The following TMEM132D variants were observed in gnomAD, a reference collection of about 807,000 sequenced individuals.
The protein encoded by TMEM132D is transmembrane protein 132D, also known as mature OL transmembrane protein.
TMEM132D carries 21 observed loss-of-function variants against 62.3 expected under a neutral mutation model. The ratio of observed to expected loss-of-function variants is 0.34; its 90% CI spans 0.24 to 0.49. The LOEUF (loss-of-function observed/expected upper bound fraction) is 0.49. Ranked by LOEUF, TMEM132D falls within the 20% of genes least tolerant of loss-of-function variation. The pLI, the probability that TMEM132D is intolerant of heterozygous loss-of-function variation, is 0.99. For synonymous variants in TMEM132D, 621 were observed against 575.6 expected (o/e 1.08, Z -1.13); for missense variants, 1,346 against 1,402.8 (o/e 0.96, Z 0.65).
At chr12:129,084,828 G>A (rs1874563671) in intron 5 of TMEM132D, 126 bp from the exon 6 acceptor site, 1 of 797,616 alleles carries the variant, frequency 1.3e-6, no homozygotes, top group Non-Finnish European at 2.0e-6. Context: ...CCTTACTATG[G>A]GGGAGGAGGT....
At chr12:129,394,586 G>A (rs1020352116) in intron 3 of TMEM132D, among the ~76,000 whole-genome samples, 19 of 152,208 alleles carry the variant, frequency 1.2e-4, no homozygotes, top group African/African-American at 4.6e-4. Flanking sequence ...GGGAGACAGA[G>A]GGACACCCGT....
chr12:129,286,566 C>T (rs6486444), intron 4 of TMEM132D, among the ~76,000 whole-genome samples: 144,447 of 152,272 alleles, frequency 0.95, 68,958 homozygotes, highest in East Asian at 1. Context: ...TGTTTCCCTC[C>T]TCCTGGGCAC....
intron 2 of TMEM132D, among the ~76,000 whole-genome samples, chr12:129,572,682 C>T (rs1206472073): frequency 6.6e-6 from 1 of 152,112 alleles, no homozygotes; most frequent in Non-Finnish European, 1.5e-5. Flanking sequence ...CTCCTGACCT[C>T]AGATGATCTG....
chr12:129,376,756 A>T (rs1319650152), intron 3 of TMEM132D, among the ~76,000 whole-genome samples: 2 of 152,208 alleles, frequency 1.3e-5, no homozygotes, highest in Non-Finnish European at 2.9e-5. Flanking sequence ...TAGGCTTCAT[A>T]AGTGACCTTA....
At chr12:129,562,822 A>G (rs971046871) in intron 2 of TMEM132D, among the ~76,000 whole-genome samples, 8 of 152,062 alleles carry the variant, frequency 5.3e-5, no homozygotes, top group Admixed American at 2.0e-4. Flanking sequence ...ACCTGGAGAA[A>G]CCCCGTGCTT....
chr12:129,385,300 T>C (rs1022548130), intron 3 of TMEM132D, among the ~76,000 whole-genome samples: 4 of 151,820 alleles, frequency 2.6e-5, no homozygotes, highest in African/African-American at 9.7e-5. Flanking sequence ...GAGGTGGGGT[T>C]TTGTCATATT....
chr12:129,622,607 T>C (rs1430167706), intron 2 of TMEM132D, among the ~76,000 whole-genome samples: 1 of 152,214 alleles, frequency 6.6e-6, no homozygotes, highest in Non-Finnish European at 1.5e-5. Flanking sequence ...GCTTTCCCTC[T>C]GCTCTGAACT....
chr12:129,711,464 G>A (rs1203561661), intron 1 of TMEM132D, among the ~76,000 whole-genome samples: 2 of 152,264 alleles, frequency 1.3e-5, no homozygotes, highest in Admixed American at 6.5e-5. Flanking sequence ...AGTGGCTCAC[G>A]CCTGTAATCC....
chr12:129,761,334 A>C (rs1185650257), intron 1 of TMEM132D, among the ~76,000 whole-genome samples: 4 of 147,858 alleles, frequency 2.7e-5, no homozygotes, highest in Admixed American at 2.0e-4. Flanking sequence ...CGGGTGCAGC[A>C]CCACGATGGA....
intron 1 of TMEM132D, among the ~76,000 whole-genome samples, chr12:129,876,346 A>C (rs917725988): frequency 1.3e-5 from 2 of 152,232 alleles, no homozygotes; most frequent in African/African-American, 4.8e-5. Flanking sequence ...AGAAAGAACA[A>C]GCAAACCATT....
chr12:129,656,276 A>AAAG (rs1880072532), intron 2 of TMEM132D, among the ~76,000 whole-genome samples: 4 of 151,366 alleles, frequency 2.6e-5, no homozygotes, highest in African/African-American at 9.7e-5. Context: ...AAAAGGAAAG[A>AAAG]ATGAAAGGGA....
rs367939457 is a variant in TMEM132D, at chr12:129,082,026, G to A, written c.1656C>T (p.Ala552=). 68 of 1,602,070 alleles carry A rather than the reference G, an allele frequency of 4.2e-5. No individual in the cohort carries two copies. Among genetic ancestry groups the A allele is most frequent in the East Asian group, 9.0e-5 (4 of 44,586 alleles). Residue 552 remains alanine, a synonymous_variant, in exon 7 of 9, where the codon GCC becomes GCT. Coordinates refer to ENST00000422113, the MANE Select transcript of TMEM132D (RefSeq NM_133448.3). ...CATCCTCCTCCTCTTCACTGTCCCC[G>A]GCAGGCCTGTGAAAGAAGCAGTGCA... ...RVPIVSSRRP[A]GDSEEEEDDE...
intron 3 of TMEM132D, among the ~76,000 whole-genome samples, chr12:129,515,854 A>AT (rs1204388045): frequency 6.6e-6 from 1 of 152,102 alleles, no homozygotes; most frequent in Non-Finnish European, 1.5e-5. Flanking sequence ...GGGTCTTTGG[A>AT]TTTTTATTTC....
chr12:129,797,061 A>G (rs764913449), intron 1 of TMEM132D, among the ~76,000 whole-genome samples: 5 of 152,120 alleles, frequency 3.3e-5, no homozygotes, highest in Non-Finnish European at 7.4e-5. Context: ...TCTCAACGCT[A>G]TGCTCTTCAT....
At chr12:129,665,935 C>T (rs640793) in intron 2 of TMEM132D, among the ~76,000 whole-genome samples, 115,671 of 152,044 alleles carry the variant, frequency 0.76, 44,378 homozygotes, top group East Asian at 0.85. Flanking sequence ...TTGGGAAGCC[C>T]TGAGGGACCT....
chr12:129,334,287 G>T (rs141246797), intron 4 of TMEM132D, among the ~76,000 whole-genome samples: 10 of 148,476 alleles, frequency 6.7e-5, no homozygotes, highest in African/African-American at 2.6e-4. Context: ...AACACGGAAT[G>T]TTAAAATTTA....
chr12:129,136,233 A>G (rs886676340), intron 5 of TMEM132D, among the ~76,000 whole-genome samples: 1 of 152,214 alleles, frequency 6.6e-6, no homozygotes, highest in African/African-American at 2.4e-5. Context: ...CTCCACCCAA[A>G]TTGATTGAAT....
rs79892308 is a variant in TMEM132D, at chr12:129,741,926, A to G, written c.80-41228T>C. Among the ~76,000 whole-genome samples the G allele has an allele frequency of 2.6e-5, 4 of 152,330 alleles. No individual in the cohort carries two copies. The East Asian group carries it at 7.7e-4, about 29-fold the overall frequency. On this transcript the variant is annotated intron_variant, in intron 1 of 8. Transcript: ENST00000422113. ...GGCAAATAATCACTGCTGACCTGAG[A>G]GACTTTTTAGGGAAAGCTGAATCTA...
chr12:129,214,598 C>A (rs943474433), intron 4 of TMEM132D, among the ~76,000 whole-genome samples: 6 of 151,918 alleles, frequency 3.9e-5, no homozygotes, highest in Non-Finnish European at 8.8e-5. Flanking sequence ...CATTTCTGGC[C>A]CAGAAGATAT....
Sources: gnomAD v4.1 joint callset for allele counts (sites outside exome capture counted in the v4.1 genomes callset) on GRCh38, gnomAD v4.1.1 for gene constraint, MANE v1.5 for transcripts, NCBI Gene and HGNC (gene_info 2026-07-23, HGNC 2026-07-21) for gene names.